Variants in ARHGAP1 observed in about 807,000 individuals in gnomAD.
The protein encoded by ARHGAP1 is rho GTPase-activating protein 1.
In ARHGAP1, 23 loss-of-function variants were observed where a neutral mutation model predicts 52.2. That is an observed-to-expected ratio of 0.44 (90% CI 0.32 to 0.62). The LOEUF (loss-of-function observed/expected upper bound fraction) is 0.62. ARHGAP1 is among the 20% of genes least tolerant of loss of function. The pLI is 0.05. For missense variants in ARHGAP1, 480 were observed against 560.9 expected, an observed-to-expected ratio of 0.86 and a Z score of 1.46; for synonymous variants, 210 against 228.4, an observed-to-expected ratio of 0.92 and a Z score of 0.73.
In ARHGAP1 at chr11:46,679,672, A is replaced by G. The variant is rs2064508382; in HGVS notation, c.1003T>C (p.Tyr335His). Reference sequence around the variant, plus strand: ...CTGAGGAAGCCCACCACATGGGGGTAGAGGTCAAAGGTGAGCAGGGGCTCA... The same window carrying G: ...CTGAGGAAGCCCACCACATGGGGGTGGAGGTCAAAGGTGAGCAGGGGCTCA... The part of the protein sequence containing the change: ...LPEPLLTFDL[Y>H]PHVVGFLNID... The change falls in exon 11 of 13, where the codon TAC becomes CAC. Residue 335 changes from tyrosine (Y) to histidine (H), a missense_variant. Physicochemically the swap from Tyr to His is moderately conservative, Grantham distance 83 (BLOSUM62 2). Transcript: ENST00000311956. The surrounding 1 kb of genome is among the most constrained non-coding windows in gnomAD (Gnocchi z 4.4). 6.2e-7 allele frequency: 1 copy of G among 1,614,092 alleles called. No homozygotes were observed. Among genetic ancestry groups the G allele is most frequent in the Non-Finnish European group, 8.5e-7 (1 of 1,179,990 alleles).
chr11:46,688,357 G>A, intron 3 of ARHGAP1, 97 bp from the exon 4 acceptor site: 2 of 1,231,104 alleles, frequency 1.6e-6, no homozygotes, highest in Non-Finnish European at 2.3e-6. Flanking sequence ...ATCTGAGCCA[G>A]TTACCACAGG....
rs745530209 is a variant in ARHGAP1, at chr11:46,679,007, G to C, written c.*30C>G. On this transcript the variant is annotated 3_prime_UTR_variant, in exon 13 of 13. Coordinates refer to ENST00000311956, the MANE Select transcript of ARHGAP1 (RefSeq NM_004308.5). The surrounding 1 kb of genome is among the most constrained non-coding windows in gnomAD (Gnocchi z 4.4). ...GGAAGAGTCCAAACCCGGGCTACCA[G>C]AGAAGGGGCTGGTGGGGCAGGGGCC... 9 of 1,611,836 alleles carry C rather than the reference G, an allele frequency of 5.6e-6. No individual in the cohort carries two copies. In the Middle Eastern group the frequency reaches 4.9e-4, roughly 88 times the overall value.
chr11:46,685,676 C>CTTTT (rs34418008), intron 4 of ARHGAP1, among the ~76,000 whole-genome samples: 2 of 112,214 alleles, frequency 1.8e-5, no homozygotes, highest in African/African-American at 3.6e-5. Flanking sequence ...GCACAAGTCT[C>CTTTT]TTTTTTTTTT....
intron 4 of ARHGAP1, among the ~76,000 whole-genome samples, chr11:46,682,831 A>C (rs958797932): frequency 6.6e-6 from 1 of 152,196 alleles, no homozygotes; most frequent in Non-Finnish European, 1.5e-5. Context: ...AATCAATAAT[A>C]ATGATGACAG....
rs937848001 is a variant in ARHGAP1, at chr11:46,682,271, G to A, written c.318-89C>T. On this transcript the variant is annotated intron_variant, in intron 4 of 12. Coordinates refer to ENST00000311956, the MANE Select transcript of ARHGAP1 (RefSeq NM_004308.5). ...AGCAGCCCCAAGAGTCTCCCACCACGTCACAGCCCCTTCCCCACAGGCCCT... is the reference window on the plus strand; with the variant it reads ...AGCAGCCCCAAGAGTCTCCCACCACATCACAGCCCCTTCCCCACAGGCCCT... 2.0e-5 allele frequency: 30 copies of A among 1,537,856 alleles called. No homozygotes were observed. In the East Asian group the frequency reaches 3.0e-4, roughly 15 times the overall value.
Position 46,677,764 on chromosome 11 carries a change from A to T in ARHGAP1, c.*1273T>A. On this transcript the variant is annotated 3_prime_UTR_variant, in exon 13 of 13. Coordinates refer to ENST00000311956, the MANE Select transcript of ARHGAP1 (RefSeq NM_004308.5). Reference sequence around the variant, plus strand: ...CAGGAGATCGAGACCATCCTGGCCAACATGGTGAAACCCCGTCTCTACTAA... The same window carrying T: ...CAGGAGATCGAGACCATCCTGGCCATCATGGTGAAACCCCGTCTCTACTAA... 3.3e-6 allele frequency: 1 copy of T among 303,464 alleles called. No homozygotes were observed. Among genetic ancestry groups the T allele is most frequent in the South Asian group, 2.5e-5 (1 of 40,802 alleles). The allele number at this position is 303,464 out of a possible 1,614,324, so 18.8% of individuals were successfully genotyped here.
chr11:46,678,960 T>C lies in ARHGAP1; in HGVS notation c.*77A>G. 1 of 1,492,638 alleles carries C rather than the reference T, an allele frequency of 6.7e-7. No individual in the cohort carries two copies. Among genetic ancestry groups the C allele is most frequent in the Non-Finnish European group, 9.2e-7 (1 of 1,091,650 alleles). 92.5% of individuals were successfully genotyped at this position (1,492,638 alleles called of 1,614,324 possible). On this transcript the variant is annotated 3_prime_UTR_variant, in exon 13 of 13. Coordinates refer to ENST00000311956, the MANE Select transcript of ARHGAP1 (RefSeq NM_004308.5). ...GCTCCAACATCTCTCTCCAGGGGGC[T>C]TCATGGCCCCTGATGCCAGGAGGAA...
chr11:46,683,124 G>T (rs1190985458), intron 4 of ARHGAP1, among the ~76,000 whole-genome samples: 1 of 137,088 alleles, frequency 7.3e-6, no homozygotes, highest in Non-Finnish European at 1.5e-5. Flanking sequence ...CCGCAGCCTT[G>T]ACCTCCCAGG....
At chr11:46,683,866 C>T (rs2064547637) in intron 4 of ARHGAP1, among the ~76,000 whole-genome samples, 1 of 152,152 alleles carries the variant, frequency 6.6e-6, no homozygotes, top group African/African-American at 2.4e-5. Flanking sequence ...TCTCCAACTC[C>T]CAACCTCAGG....
chr11:46,680,548 A>C lies in ARHGAP1; in HGVS notation c.759T>G (p.Asn253Lys). The part of the protein sequence containing the change: ...GVSLQHLQEK[N>K]PEQEPIPIVL... ...CAATGGGAATGGGCTCCTGCTCTGGATTCTTCTCCTGGAGGCTGCGGGAAA... is the reference window on the plus strand; with the variant it reads ...CAATGGGAATGGGCTCCTGCTCTGGCTTCTTCTCCTGGAGGCTGCGGGAAA... The change falls in exon 9 of 13, where the codon AAT becomes AAG. Residue 253 changes from asparagine (N) to lysine (K), a missense_variant. Physicochemically the swap from Asn to Lys is moderately conservative, Grantham distance 94. Transcript: ENST00000311956. The surrounding 1 kb of genome is among the most constrained non-coding windows in gnomAD (Gnocchi z 5.9). 6.2e-7 allele frequency: 1 copy of C among 1,613,932 alleles called. No individual in the cohort carries two copies. The highest frequency in any genetic ancestry group is 8.5e-7 in the Non-Finnish European group (1 of 1,179,952).
rs1283943879 is a variant in ARHGAP1 at position 46,696,374 on chromosome 11, T to C, written c.-49-218A>G. Among the ~76,000 whole-genome samples the C allele has an allele frequency of 1.3e-5, 2 of 152,230 alleles. No homozygotes were observed. The highest frequency in any genetic ancestry group is 1.9e-4 in the East Asian group (1 of 5,166). On this transcript the variant is annotated intron_variant, in intron 1 of 12. Coordinates refer to ENST00000311956, the MANE Select transcript of ARHGAP1 (RefSeq NM_004308.5). This position sits in a 1 kb window ranked among gnomAD's most constrained non-coding sequence, Gnocchi z 4.8. ...CAGAAAAGGCAGCTGGGGCAGAGGA[T>C]GGCACAGCTCAGCGCCTCCCTCCAG...
chr11:46,688,558 T>G (rs1404059922), intron 3 of ARHGAP1, among the ~76,000 whole-genome samples: 4 of 152,060 alleles, frequency 2.6e-5, no homozygotes, highest in Non-Finnish European at 4.4e-5. Context: ...CACGGCTCAC[T>G]GTAGCCCCAA....
rs1382253172 is a variant in ARHGAP1 at position 46,679,298 on chromosome 11, G to A, written c.1131+67C>T. 3.7e-6 allele frequency: 6 copies of A among 1,603,956 alleles called. No individual in the cohort carries two copies. In the African/African-American group the frequency reaches 5.4e-5, roughly 14 times the overall value. On this transcript the variant is annotated intron_variant, in intron 12 of 12. Coordinates refer to ENST00000311956, the MANE Select transcript of ARHGAP1 (RefSeq NM_004308.5). This position sits in a 1 kb window ranked among gnomAD's most constrained non-coding sequence, Gnocchi z 4.4. The stretch of plus-strand genomic sequence containing the variant: ...CCCACTCCCAGCAACAATGACCAGG[G>A]CGCAGAGGAGGCGGCAGCTCCTCCT...
chr11:46,682,993 C>T (rs1281132221), intron 4 of ARHGAP1, among the ~76,000 whole-genome samples: 1 of 148,854 alleles, frequency 6.7e-6, no homozygotes. Flanking sequence ...GGTCACACAG[C>T]TTGTGGTAGA....
In ARHGAP1 at chr11:46,681,973, C is replaced by G; in HGVS notation, c.449+78G>C. ...CCCCTGCCTTGGAATAAGCTCCTGC[C>G]CAAGTGGAGGGCAGCCCGGAAGCTG... is the stretch of plus-strand genomic sequence containing the variant. On this transcript the variant is annotated intron_variant, in intron 5 of 12. Transcript: ENST00000311956. The surrounding 1 kb of genome is among the most constrained non-coding windows in gnomAD (Gnocchi z 5.7). The G allele has an allele frequency of 6.3e-7, 1 of 1,592,772 alleles. No homozygotes were observed. The highest frequency in any genetic ancestry group is 8.6e-7 in the Non-Finnish European group (1 of 1,168,154).
Position 46,679,716 on chromosome 11 carries a change from G to T in ARHGAP1, c.959C>A (p.Thr320Asn). The change falls in exon 11 of 13, where the codon ACC (threonine) becomes AAC (asparagine). Residue 320 changes from threonine (T) to asparagine (N), a missense_variant. By Grantham distance (65) the Thr-to-Asn change is moderately conservative. Coordinates refer to ENST00000311956, the MANE Select transcript of ARHGAP1 (RefSeq NM_004308.5). The surrounding 1 kb of genome is among the most constrained non-coding windows in gnomAD (Gnocchi z 4.4). ...GGGCTCAGGAAGCTCCCGGAGGAAG[G>T]TCTTGAGGATGACTGCTGGCAGGTG... ...ELHLPAVILK[T>N]FLRELPEPLL... is the part of the protein sequence containing the mutation. 6.2e-7 allele frequency: 1 copy of T among 1,614,128 alleles called. No individual in the cohort carries two copies. Among genetic ancestry groups the T allele is most frequent in the Non-Finnish European group, 8.5e-7 (1 of 1,180,010 alleles).
chr11:46,695,708 C>A lies in ARHGAP1; in HGVS notation c.181G>T (p.Asp61Tyr). The change falls in exon 3 of 13, where the codon GAT (aspartate) becomes TAT (tyrosine). Residue 61 changes from aspartate (D) to tyrosine (Y), a missense_variant. Coordinates refer to ENST00000311956, the MANE Select transcript of ARHGAP1 (RefSeq NM_004308.5). ...CGGGCGATGTCATAGTATGGGTCAT[C>A]CCACTTCAGGTGTGTGACAAGTTCC... ...SPELVTHLKWDDPYYDIARHQ... is the reference protein window; with the variant it reads ...SPELVTHLKWYDPYYDIARHQ... The A allele has an allele frequency of 6.4e-7, 1 of 1,552,070 alleles. No homozygotes were observed. Among genetic ancestry groups the A allele is most frequent in the Non-Finnish European group, 8.7e-7 (1 of 1,147,116 alleles).
Position 46,678,031 on chromosome 11 carries a change from C to T in ARHGAP1, c.*1006G>A. The T allele has an allele frequency of 2.6e-6, 1 of 391,840 alleles. No homozygotes were observed. Among genetic ancestry groups the T allele is most frequent in the South Asian group, 1.8e-5 (1 of 55,534 alleles). The allele number at this position is 391,840 out of a possible 1,614,324, so 24.3% of individuals were successfully genotyped here. A position where few individuals can be genotyped will look rare whatever the true frequency, so the allele number is the denominator to read the frequency against. ...ACCTATCTGGACTGACCTATCAGCA[C>T]AATCTCTGCCCCTCCTACGGGCACT... On this transcript the variant is annotated 3_prime_UTR_variant, in exon 13 of 13. Transcript: ENST00000311956.
intron 1 of ARHGAP1, among the ~76,000 whole-genome samples, chr11:46,700,148 A>G (rs1035984853): frequency 6.6e-6 from 1 of 152,090 alleles, no homozygotes; most frequent in African/African-American, 2.4e-5. Flanking sequence ...TAAGAGTGAA[A>G]CTCCGTCTTA....
Sources: gnomAD v4.1 joint callset for allele counts (sites outside exome capture counted in the v4.1 genomes callset) on GRCh38, gnomAD v4.1.1 for gene constraint, Gnocchi (gnomAD v3.1) non-coding constraint, MANE v1.5 for transcripts, NCBI Gene and HGNC (gene_info 2026-07-23, HGNC 2026-07-21) for gene names.